Variants in FMNL2 observed in about 807,000 individuals in gnomAD.
FMNL2 encodes the protein formin like 2.
In FMNL2, 51 loss-of-function variants were observed where a neutral mutation model predicts 130.2. The observed-to-expected ratio is 0.39, with a 90% CI of 0.31 to 0.49. The LOEUF is 0.49. Ranked by LOEUF, FMNL2 falls within the 20% of genes least tolerant of loss-of-function variation. The pLI is 0.85. For synonymous variants in FMNL2, 465 were observed against 467.1 expected (o/e 1.00, Z 0.06); for missense variants, 977 against 1,316.2 (o/e 0.74, Z 3.99).
intron 1 of FMNL2, among the ~76,000 whole-genome samples, chr2:152,491,711 G>C (rs1251368685): frequency 6.6e-6 from 1 of 152,164 alleles, no homozygotes; most frequent in Non-Finnish European, 1.5e-5. Flanking sequence ...AGCATTTTGG[G>C]AGGCTGAGGC....
chr2:152,526,192 T>C (rs965097008), intron 2 of FMNL2, among the ~76,000 whole-genome samples: 1 of 152,150 alleles, frequency 6.6e-6, no homozygotes, highest in African/African-American at 2.4e-5. Context: ...TGTGGGCCAT[T>C]CCAGGTAAGG....
chr2:152,369,416 A>C (rs1683746464), intron 1 of FMNL2, among the ~76,000 whole-genome samples: 2 of 152,242 alleles, frequency 1.3e-5, no homozygotes, highest in Non-Finnish European at 2.9e-5. Context: ...CTACGCAGTT[A>C]AATTACAGTC....
chr2:152,355,782 C>T (rs1282775185), intron 1 of FMNL2, among the ~76,000 whole-genome samples: 3 of 152,216 alleles, frequency 2.0e-5, no homozygotes, highest in East Asian at 1.9e-4. Context: ...TTATTTTCTA[C>T]AACATGTTGC....
chr2:152,414,988 C>T (rs1431426956), intron 1 of FMNL2, among the ~76,000 whole-genome samples: 1 of 152,074 alleles, frequency 6.6e-6, no homozygotes, highest in African/African-American at 2.4e-5. Context: ...GTGGGAAGGT[C>T]CCTGAGTTCC....
intron 1 of FMNL2, among the ~76,000 whole-genome samples, chr2:152,441,834 CA>C (rs35741575): frequency 5.5e-5 from 8 of 146,552 alleles, no homozygotes; most frequent in African/African-American, 7.4e-5. Flanking sequence ...CACTCCGTCT[CA>C]AAAAAAAAAA....
chr2:152,491,952 A>G (rs1691230435), intron 1 of FMNL2, among the ~76,000 whole-genome samples: 1 of 152,072 alleles, frequency 6.6e-6, no homozygotes, highest in Admixed American at 6.5e-5. Flanking sequence ...CTTCATCTCA[A>G]CAACAACAAC....
chr2:152,387,738 C>T (rs1012479868), intron 1 of FMNL2, among the ~76,000 whole-genome samples: 3 of 151,938 alleles, frequency 2.0e-5, no homozygotes, highest in Non-Finnish European at 2.9e-5. Context: ...ACTGCAGCCT[C>T]AAACTTTTGG....
At chr2:152,532,815 C>T (rs943921166) in intron 2 of FMNL2, among the ~76,000 whole-genome samples, 1 of 151,988 alleles carries the variant, frequency 6.6e-6, no homozygotes, top group Admixed American at 6.6e-5. Context: ...ACCACGTTGG[C>T]CAGGCTGGTC....
chr2:152,379,856 G>T (rs1469097866), intron 1 of FMNL2, among the ~76,000 whole-genome samples: 1 of 152,222 alleles, frequency 6.6e-6, no homozygotes, highest in Non-Finnish European at 1.5e-5. Flanking sequence ...CTATGAGACT[G>T]ATTTCTGTAG....
intron 1 of FMNL2, among the ~76,000 whole-genome samples, chr2:152,433,340 C>T (rs528398405): frequency 6.6e-6 from 1 of 152,236 alleles, no homozygotes; most frequent in South Asian, 2.1e-4. Flanking sequence ...AAATGATGTG[C>T]TCTTGTTTGT....
intron 1 of FMNL2, among the ~76,000 whole-genome samples, chr2:152,442,273 C>T (rs538524587): frequency 2.7e-5 from 4 of 149,310 alleles, no homozygotes; most frequent in South Asian, 2.1e-4. Context: ...TTTTTTGAGA[C>T]GGAGTTTTGG....
At chr2:152,606,270 G>C (rs1429066130) in intron 9 of FMNL2, among the ~76,000 whole-genome samples, 1 of 152,198 alleles carries the variant, frequency 6.6e-6, no homozygotes, top group Non-Finnish European at 1.5e-5. Flanking sequence ...TTAACCAAGG[G>C]ACTGTGTCTT....
chr2:152,646,739 A>AC (rs1173540625), intron 25 of FMNL2, among the ~76,000 whole-genome samples: 8 of 152,204 alleles, frequency 5.3e-5, no homozygotes, highest in East Asian at 1.9e-4. Context: ...GATAGCATGT[A>AC]TTCTAGCAGA....
In FMNL2 at chr2:152,450,575, G is replaced by A. The variant is rs568961496; in HGVS notation, c.118-71368G>A. ...AAAATTTTTGTTTAAAAAAAGATTG[G>A]CTCATCTTCATTATCCAGACTGCTG... On this transcript the variant is annotated intron_variant, in intron 1 of 25. Transcript: ENST00000288670. Among the ~76,000 whole-genome samples, 5 of 152,186 alleles carry A rather than the reference G, an allele frequency of 3.3e-5. No homozygotes were observed. The East Asian group carries it at 7.7e-4, about 23-fold the overall frequency.
intron 25 of FMNL2, chr2:152,643,606 A>G (rs1039397843): frequency 6.6e-7 from 1 of 1,511,296 alleles, no homozygotes; most frequent in Non-Finnish European, 8.8e-7. Context: ...GCCCACCAAC[A>G]TGCTAGCATG....
In FMNL2 at chr2:152,629,656, C is replaced by T; in HGVS notation, c.2401C>T (p.Gln801Ter). Residue 801 changes from glutamine to a stop codon, truncating the protein, a stop_gained and splice_region_variant, in exon 19 of 26, where the codon CAA (glutamine) becomes TAA (stop). Coordinates refer to ENST00000288670, the MANE Select transcript of FMNL2 (RefSeq NM_052905.4). LOFTEE classifies it high-confidence loss of function. ...TTTTCTTTCTTTGATTGGAATCTAG[C>T]AACTACATGCGATTATAGCAGCATC... ...FAESIQMLTP[Q>*]LHAIIAASVS... is the part of the protein sequence containing the mutation. 1 of 1,593,796 alleles carries T rather than the reference C, an allele frequency of 6.3e-7. No individual in the cohort carries two copies. Among genetic ancestry groups the T allele is most frequent in the Non-Finnish European group, 8.6e-7 (1 of 1,169,384 alleles).
chr2:152,622,474 A>C (rs1681411445), intron 15 of FMNL2: 1 of 456,620 alleles, frequency 2.2e-6, no homozygotes, highest in Non-Finnish European at 4.4e-6. Context: ...CTGCTGAGCC[A>C]CTTGACTCTA....
chr2:152,491,521 A>G (rs190323271), intron 1 of FMNL2, among the ~76,000 whole-genome samples: 15 of 152,366 alleles, frequency 9.8e-5, no homozygotes, highest in Admixed American at 9.8e-4. Context: ...ATTGACCACA[A>G]GAAATTTCAC....
chr2:152,390,343 T>A (rs578260509), intron 1 of FMNL2: 1 of 1,148,462 alleles, frequency 8.7e-7, no homozygotes, highest in African/African-American at 1.5e-5. Context: ...TCGTGGCTCA[T>A]TGAGGATGGC....
Sources: gnomAD v4.1 joint callset for allele counts (sites outside exome capture counted in the v4.1 genomes callset) on GRCh38, gnomAD v4.1.1 for gene constraint, MANE v1.5 for transcripts, NCBI Gene and HGNC (gene_info 2026-07-23, HGNC 2026-07-21) for gene names.